HTR4: variants seen among roughly 807,000 people sequenced by gnomAD.
HTR4 encodes the protein 5-hydroxytryptamine (serotonin) receptor 4, G protein-coupled.
In HTR4, 16 loss-of-function variants were observed where a neutral mutation model predicts 36.8. The observed-to-expected ratio is 0.43, with a 90% CI of 0.29 to 0.66. HTR4 has a LOEUF of 0.66. Among genes scored for constraint, HTR4 ranks in the 30% least tolerant of loss-of-function variants. The pLI is 0.13. For missense variants in HTR4, 438 were observed against 490.9 expected (o/e 0.89, Z 1.02); for synonymous variants, 189 against 185.1 (o/e 1.02, Z -0.17).
At chr5:148,484,837 A>G (rs1756075749) in intron 6 of HTR4, among the ~76,000 whole-genome samples, 1 of 152,170 alleles carries the variant, frequency 6.6e-6, no homozygotes. Flanking sequence ...CAGATTTTCC[A>G]CATGCCATTT....
At chr5:148,454,622 T>C (rs1157942857) in intron 5 of HTR4, among the ~76,000 whole-genome samples, 1 of 152,186 alleles carries the variant, frequency 6.6e-6, no homozygotes, top group Non-Finnish European at 1.5e-5. Context: ...CCTTCTCCCT[T>C]ATCAGAATCA....
intron 6 of HTR4, among the ~76,000 whole-genome samples, chr5:148,505,600 A>T (rs1757156975): frequency 6.6e-6 from 1 of 152,230 alleles, no homozygotes; most frequent in African/African-American, 2.4e-5. Context: ...TTTGCAGATG[A>T]CATGACTGTA....
chr5:148,654,296 C>G lies in HTR4; in HGVS notation c.-282G>C. ...CCAGCCCCGGATCACCTGGGCTCGC[C>G]GCGCATCGTCCTTCTCCCCAACCGA... On this transcript the variant is annotated 5_prime_UTR_variant, in exon 1 of 7. Transcript: ENST00000377888. 1.0e-6 allele frequency: 1 copy of G among 984,702 alleles called. No homozygotes were observed. Among genetic ancestry groups the G allele is most frequent in the South Asian group, 4.7e-5 (1 of 21,274 alleles). 61.0% of individuals were successfully genotyped at this position (984,702 alleles called of 1,614,324 possible).
chr5:148,586,474 T>A (rs1217164121), intron 2 of HTR4, among the ~76,000 whole-genome samples: 1 of 151,878 alleles, frequency 6.6e-6, no homozygotes, highest in Non-Finnish European at 1.5e-5. Flanking sequence ...ACAAGGCACT[T>A]CTTACATGGC....
At chr5:148,636,119 C>T (rs1189120047) in intron 2 of HTR4, among the ~76,000 whole-genome samples, 1 of 152,158 alleles carries the variant, frequency 6.6e-6, no homozygotes, top group African/African-American at 2.4e-5. Context: ...GGTGACAGTA[C>T]ATCTTGGCAA....
intron 2 of HTR4, among the ~76,000 whole-genome samples, chr5:148,566,687 G>T (rs920937738): frequency 6.6e-6 from 1 of 152,132 alleles, no homozygotes; most frequent in South Asian, 2.1e-4. Context: ...TGCAAATCTG[G>T]TATATGTATG....
chr5:148,610,766 T>A (rs1439342780), intron 2 of HTR4, among the ~76,000 whole-genome samples: 1 of 142,652 alleles, frequency 7.0e-6, no homozygotes, highest in African/African-American at 2.7e-5. Context: ...GGCAAAGAAG[T>A]TGAAAACTTT....
At chr5:148,532,989 A>G (rs1758649324) in intron 4 of HTR4, among the ~76,000 whole-genome samples, 1 of 152,202 alleles carries the variant, frequency 6.6e-6, no homozygotes, top group Non-Finnish European at 1.5e-5. Flanking sequence ...TTAGGCTAGG[A>G]GGAGTTACCA....
At chr5:148,575,817 C>T (rs1304831107) in intron 2 of HTR4, among the ~76,000 whole-genome samples, 3 of 151,818 alleles carry the variant, frequency 2.0e-5, no homozygotes, top group African/African-American at 7.3e-5. Flanking sequence ...TCCTTGAAAA[C>T]CGGCCCAAGA....
At chr5:148,508,438 C>T (rs1007602740) in intron 6 of HTR4, among the ~76,000 whole-genome samples, 3 of 152,168 alleles carry the variant, frequency 2.0e-5, no homozygotes, top group Admixed American at 6.5e-5. Flanking sequence ...CATTTAACTC[C>T]AAAGTCACTT....
chr5:148,580,576 T>C (rs899221996), intron 2 of HTR4, among the ~76,000 whole-genome samples: 1 of 152,120 alleles, frequency 6.6e-6, no homozygotes, highest in African/African-American at 2.4e-5. Flanking sequence ...TCTACTTCTA[T>C]ACCTTTGACT....
intron 6 of HTR4, chr5:148,484,341 T>A (rs780983179): frequency 1.2e-6 from 2 of 1,613,282 alleles, no homozygotes; most frequent in Non-Finnish European, 1.7e-6. Context: ...CTTTGTCCAA[T>A]ACCTTGCTAA....
chr5:148,457,755 ATATTTTGGTATAT>A (rs1315835737), intron 5 of HTR4, among the ~76,000 whole-genome samples: 73 of 144,250 alleles, frequency 5.1e-4, no homozygotes, highest in African/African-American at 1.9e-3. Flanking sequence ...TCATTAAAAT[ATATTTTGGTATAT>A]CATTAAAATA....
At chr5:148,466,289 A>G (rs1755426934) in intron 5 of HTR4, among the ~76,000 whole-genome samples, 1 of 152,172 alleles carries the variant, frequency 6.6e-6, no homozygotes, top group Non-Finnish European at 1.5e-5. Flanking sequence ...GATCTTTGAA[A>G]ATATAGTTGA....
intron 6 of HTR4, 83 bp downstream of exon 6, chr5:148,509,373 C>T (rs1757380796): frequency 9.6e-7 from 1 of 1,042,354 alleles, no homozygotes; most frequent in Non-Finnish European, 1.4e-6. Context: ...AGGGATAACC[C>T]CTTTGGAAAC....
chr5:148,547,989 A>C (rs1431272204), intron 4 of HTR4, among the ~76,000 whole-genome samples: 1 of 152,316 alleles, frequency 6.6e-6, no homozygotes, highest in East Asian at 1.9e-4. Flanking sequence ...AATTAGCAGG[A>C]ATTGGAAAAT....
intron 2 of HTR4, chr5:148,629,399 A>T (rs918429225): frequency 1.3e-5 from 2 of 152,212 alleles, no homozygotes; most frequent in Non-Finnish European, 2.9e-5. Context: ...ATGACATGGA[A>T]GGCATACTCT....
At chr5:148,489,572 T>C (rs781492722) in intron 6 of HTR4, among the ~76,000 whole-genome samples, 1 of 152,142 alleles carries the variant, frequency 6.6e-6, no homozygotes, top group Non-Finnish European at 1.5e-5. Context: ...AGAACTCCTA[T>C]TGGAACTGTG....
intron 6 of HTR4, among the ~76,000 whole-genome samples, chr5:148,490,292 A>G (rs1052682844): frequency 6.6e-6 from 1 of 151,638 alleles, no homozygotes; most frequent in African/African-American, 2.4e-5. Context: ...GCTGTTTACC[A>G]CTAAGCATCT....
Sources: gnomAD v4.1 joint callset for allele counts (sites outside exome capture counted in the v4.1 genomes callset) on GRCh38, gnomAD v4.1.1 for gene constraint, MANE v1.5 for transcripts, NCBI Gene and HGNC (gene_info 2026-07-23, HGNC 2026-07-21) for gene names.